Variants in TBL1XR1 observed in about 807,000 individuals in gnomAD.
TBL1XR1 encodes the protein F-box-like/WD repeat-containing protein TBL1XR1.
In TBL1XR1, 5 loss-of-function variants were observed where a neutral mutation model predicts 66.9. The observed-to-expected ratio is 0.07, with a 90% CI of 0.04 to 0.16. TBL1XR1 has a LOEUF of 0.16. Among genes scored for constraint, TBL1XR1 ranks in the 10% least tolerant of loss-of-function variants. The pLI is 1.00. For missense variants in TBL1XR1, 238 were observed against 623.2 expected (o/e 0.38, Z 6.58); for synonymous variants, 210 against 206.0 (o/e 1.02, Z -0.17).
intron 5 of TBL1XR1, among the ~76,000 whole-genome samples, chr3:177,050,813 ACTTT>A (rs1243866914): frequency 5.8e-5 from 3 of 51,552 alleles, no homozygotes; most frequent in Non-Finnish European, 1.0e-4. Context: ...TTGACCACAT[ACTTT>A]TTTTTTAGAG....
Position 177,058,441 on chromosome 3 carries a change from A to G in TBL1XR1, c.59-4523T>C, listed in dbSNP as rs373172685. On this transcript the variant is annotated intron_variant, in intron 3 of 15. Coordinates refer to ENST00000457928, the MANE Select transcript of TBL1XR1 (RefSeq NM_024665.7). ...GCCCTTAAAAATACATGTAACTATG[A>G]ACATTTTATATAAATAATACTTTCT... Among the ~76,000 whole-genome samples the G allele has an allele frequency of 2.0e-5, 3 of 152,342 alleles. No individual in the cohort carries two copies. The East Asian group carries it at 5.8e-4, about 29-fold the overall frequency.
chr3:177,184,757 C>T (rs142702253), intron 1 of TBL1XR1, among the ~76,000 whole-genome samples: 1 of 151,458 alleles, frequency 6.6e-6, no homozygotes, highest in Admixed American at 6.6e-5. Context: ...GCCGATCGCA[C>T]CACTGCACTC....
chr3:177,126,381 A>G (rs1214482047), intron 1 of TBL1XR1, among the ~76,000 whole-genome samples: 2 of 152,244 alleles, frequency 1.3e-5, no homozygotes, highest in Non-Finnish European at 2.9e-5. Context: ...GGTAATATTA[A>G]TAATCCAATC....
intron 1 of TBL1XR1, among the ~76,000 whole-genome samples, chr3:177,169,283 A>T (rs1733187494): frequency 6.6e-6 from 1 of 152,220 alleles, no homozygotes; most frequent in Admixed American, 6.5e-5. Context: ...AAGGAGAAAT[A>T]AGTTATAATC....
At chr3:177,187,397 A>T (rs1158762184) in intron 1 of TBL1XR1, among the ~76,000 whole-genome samples, 6 of 151,774 alleles carry the variant, frequency 4.0e-5, no homozygotes, top group African/African-American at 1.5e-4. Flanking sequence ...TCTCAAAAAA[A>T]AAAAAAAAAA....
At chr3:177,065,232 C>T (rs1719004020) in intron 2 of TBL1XR1, among the ~76,000 whole-genome samples, 1 of 152,040 alleles carries the variant, frequency 6.6e-6, no homozygotes, top group South Asian at 2.1e-4. Context: ...TTCAAAGTAA[C>T]ATACTGGCAA....
At chr3:177,128,590 T>C (rs891542948) in intron 1 of TBL1XR1, among the ~76,000 whole-genome samples, 4 of 152,204 alleles carry the variant, frequency 2.6e-5, no homozygotes, top group Non-Finnish European at 4.4e-5. Context: ...CCCAGGCTGA[T>C]TGAGAACTCC....
chr3:177,178,223 C>G (rs1734386206), intron 1 of TBL1XR1, among the ~76,000 whole-genome samples: 1 of 152,026 alleles, frequency 6.6e-6, no homozygotes, highest in Non-Finnish European at 1.5e-5. Flanking sequence ...GGAGGAGGGA[C>G]CCTCATAGGC....
chr3:177,031,068 T>A (rs1713919600), intron 14 of TBL1XR1, among the ~76,000 whole-genome samples: 1 of 152,122 alleles, frequency 6.6e-6, no homozygotes, highest in Non-Finnish European at 1.5e-5. Flanking sequence ...GCCGAGATCG[T>A]GCCATCGCAC....
At chr3:177,039,884 T>C (rs1391896918) in intron 10 of TBL1XR1, among the ~76,000 whole-genome samples, 1 of 152,198 alleles carries the variant, frequency 6.6e-6, no homozygotes, top group Non-Finnish European at 1.5e-5. Context: ...AAGTTGCATA[T>C]TACCTATGGC....
At chr3:177,030,756 ATAT>A (rs1192707641) in intron 14 of TBL1XR1, among the ~76,000 whole-genome samples, 12 of 152,254 alleles carry the variant, frequency 7.9e-5, no homozygotes, top group Admixed American at 3.9e-4. Context: ...CATGGAAATG[ATAT>A]TATTTAGATT....
chr3:177,108,941 C>T (rs550525139), intron 1 of TBL1XR1, among the ~76,000 whole-genome samples: 1 of 152,196 alleles, frequency 6.6e-6, no homozygotes, highest in South Asian at 2.1e-4. Context: ...AAATGTTATG[C>T]CCATCTTAAA....
chr3:177,182,631 G>C (rs1461343730), intron 1 of TBL1XR1, among the ~76,000 whole-genome samples: 2 of 152,254 alleles, frequency 1.3e-5, no homozygotes, highest in Middle Eastern at 3.4e-3. Flanking sequence ...AGAGAGACCT[G>C]TTTTCAAGGA....
chr3:177,147,523 C>A (rs571621276), intron 1 of TBL1XR1, among the ~76,000 whole-genome samples: 2 of 152,288 alleles, frequency 1.3e-5, no homozygotes, highest in South Asian at 4.1e-4. Context: ...TAGTTTTACT[C>A]TGAAAGGGTC....
chr3:177,165,527 A>G (rs1345379588), intron 1 of TBL1XR1, among the ~76,000 whole-genome samples: 2 of 152,200 alleles, frequency 1.3e-5, no homozygotes, highest in African/African-American at 4.8e-5. Flanking sequence ...GAAGGAGAGA[A>G]CAAAGTGAAA....
At chr3:177,047,238 A>C in intron 9 of TBL1XR1, 62 bp downstream of exon 9, 1 of 1,389,934 alleles carries the variant, frequency 7.2e-7, no homozygotes, top group Non-Finnish European at 9.7e-7. Flanking sequence ...GCTAAGACAA[A>C]ATACTGCTTT....
At chr3:177,062,762 T>C (rs1718681750) in intron 3 of TBL1XR1, among the ~76,000 whole-genome samples, 1 of 152,166 alleles carries the variant, frequency 6.6e-6, no homozygotes, top group Non-Finnish European at 1.5e-5. Flanking sequence ...TTTTTTTTAA[T>C]TCTTGGTTTA....
At chr3:177,138,606 GGA>G (rs1729269366) in intron 1 of TBL1XR1, among the ~76,000 whole-genome samples, 1 of 129,204 alleles carries the variant, frequency 7.7e-6, no homozygotes, top group South Asian at 2.5e-4. Flanking sequence ...AAAAAAAAAG[GGA>G]GAGGGGGAAA....
At chr3:177,187,982 C>T (rs1735655704) in intron 1 of TBL1XR1, among the ~76,000 whole-genome samples, 1 of 123,492 alleles carries the variant, frequency 8.1e-6, no homozygotes, top group African/African-American at 3.4e-5. Flanking sequence ...TGGAGTCTCG[C>T]TCTATTGCCC....
Sources: allele counts gnomAD v4.1 joint callset (sites outside exome capture counted in the v4.1 genomes callset), GRCh38; gene constraint gnomAD v4.1.1; transcripts MANE v1.5; gene names NCBI Gene and HGNC (gene_info 2026-07-23, HGNC 2026-07-21).